Variants in ARID1B observed in about 807,000 individuals in gnomAD.
ARID1B encodes the protein AT-rich interactive domain-containing protein 1B.
A neutral mutation model predicts 212.3 loss-of-function variants in ARID1B; 30 were observed. The observed-to-expected ratio is 0.14, with a 90% CI of 0.11 to 0.19. The LOEUF is 0.19. Ranked by LOEUF, ARID1B falls within the 10% of genes least tolerant of loss-of-function variation. The pLI is 1.00. For missense variants in ARID1B, 2,891 were observed against 3,204.0 expected (o/e 0.90, Z 2.36); for synonymous variants, 1,402 against 1,301.7 (o/e 1.08, Z -1.66).
intron 3 of ARID1B, among the ~76,000 whole-genome samples, chr6:156,906,897 G>T (rs73576012): frequency 0.061 from 9,238 of 152,076 alleles, 914 homozygotes; most frequent in African/African-American, 0.2. Flanking sequence ...TATTGTAAAT[G>T]GTATCCTTTA....
At chr6:157,198,458 A>T (rs548304334) in intron 16 of ARID1B, 4 of 235,228 alleles carry the variant, frequency 1.7e-5, no homozygotes, top group Non-Finnish European at 3.3e-5. Flanking sequence ...GCACTGTACG[A>T]CACTTCCTAA....
At chr6:157,049,895 A>T (rs917537359) in intron 4 of ARID1B, among the ~76,000 whole-genome samples, 9 of 152,220 alleles carry the variant, frequency 5.9e-5, no homozygotes, top group Non-Finnish European at 8.8e-5. Flanking sequence ...TCATAAAAGG[A>T]TAAGTGTCTT....
chr6:156,982,189 A>G (rs1244423619), intron 4 of ARID1B, among the ~76,000 whole-genome samples: 1 of 152,150 alleles, frequency 6.6e-6, no homozygotes. Flanking sequence ...CCTTTACTAT[A>G]TACCCTCATA....
At chr6:156,871,473 G>C (rs764288550) in intron 2 of ARID1B, 3 of 695,294 alleles carry the variant, frequency 4.3e-6, no homozygotes, top group Non-Finnish European at 7.7e-6. Flanking sequence ...GAGAAGGCCT[G>C]ATACAGATGG....
At chr6:157,101,398 C>G (rs2128495356) in intron 5 of ARID1B, among the ~76,000 whole-genome samples, 1 of 152,274 alleles carries the variant, frequency 6.6e-6, no homozygotes, top group South Asian at 2.1e-4. Flanking sequence ...CAGTTTAATT[C>G]ACACGGACCT....
intron 2 of ARID1B, among the ~76,000 whole-genome samples, chr6:156,837,521 G>A (rs930638115): frequency 6.6e-5 from 10 of 152,066 alleles, no homozygotes; most frequent in African/African-American, 2.2e-4. Context: ...TTTTCTAAAG[G>A]TAAAAAGTTT....
chr6:157,115,187 A>T (rs1166945558), intron 6 of ARID1B, among the ~76,000 whole-genome samples: 10 of 152,146 alleles, frequency 6.6e-5, no homozygotes. Context: ...TCACAAATCC[A>T]TTTCCCCACA....
At chr6:157,140,679 G>A (rs188116621) in intron 7 of ARID1B, 6 of 398,646 alleles carry the variant, frequency 1.5e-5, no homozygotes, top group African/African-American at 6.2e-5. Flanking sequence ...ACCAGATGGC[G>A]AGACCCACCT....
In ARID1B at chr6:156,779,391, C is replaced by G; in HGVS notation, c.1711C>G (p.Pro571Ala). The stretch of plus-strand genomic sequence containing the variant: ...GGGCGCCCAGTACGCCGCTGCCAGC[C>G]CGGCCTGGGCGGCCGCGCAACAAAG... ...DMGAQYAAASPAWAAAQQRSH... is the reference protein window; with the variant it reads ...DMGAQYAAASAAWAAAQQRSH... The change falls in exon 1 of 20, where the codon CCG (proline) becomes GCG (alanine). Residue 571 changes from proline (P) to alanine (A), a missense_variant. By Grantham distance (27) the Pro-to-Ala change is conservative. Coordinates refer to ENST00000636930, the MANE Select transcript of ARID1B (RefSeq NM_001374828.1). 1 of 1,419,668 alleles carries G rather than the reference C, an allele frequency of 7.0e-7. No individual in the cohort carries two copies. The allele number at this position is 1,419,668 out of a possible 1,614,324, so 87.9% of individuals were successfully genotyped here.
chr6:157,066,326 G>C (rs1158600662), intron 4 of ARID1B, among the ~76,000 whole-genome samples: 1 of 152,148 alleles, frequency 6.6e-6, no homozygotes, highest in Non-Finnish European at 1.5e-5. Flanking sequence ...GGAAGAAAAG[G>C]TGTAGTTCAA....
At chr6:157,098,663 T>C (rs1330764952) in intron 5 of ARID1B, among the ~76,000 whole-genome samples, 1 of 152,230 alleles carries the variant, frequency 6.6e-6, no homozygotes, top group East Asian at 1.9e-4. Flanking sequence ...TGTCTTCACA[T>C]CTGAAGTTAA....
At chr6:156,782,694 A>C (rs1481997560) in intron 1 of ARID1B, among the ~76,000 whole-genome samples, 2 of 152,170 alleles carry the variant, frequency 1.3e-5, no homozygotes, top group Non-Finnish European at 2.9e-5. Context: ...ACTCCCAGTT[A>C]AATTTTAGGG....
intron 3 of ARID1B, among the ~76,000 whole-genome samples, chr6:156,911,347 T>G (rs1023666076): frequency 2.0e-5 from 3 of 151,530 alleles, no homozygotes; most frequent in Non-Finnish European, 4.4e-5. Flanking sequence ...AGTTTTTTTT[T>G]TTTTTTTTTT....
chr6:156,868,103 C>T (rs1785841659), intron 2 of ARID1B, among the ~76,000 whole-genome samples: 1 of 152,216 alleles, frequency 6.6e-6, no homozygotes, highest in African/African-American at 2.4e-5. Context: ...ATGCTTGCCT[C>T]AGTACCGAGC....
intron 3 of ARID1B, among the ~76,000 whole-genome samples, chr6:156,915,689 C>T (rs933064271): frequency 1.3e-5 from 2 of 149,408 alleles, no homozygotes; most frequent in South Asian, 2.1e-4. Flanking sequence ...TGAGGCCAGG[C>T]GTTCAAGACT....
intron 3 of ARID1B, among the ~76,000 whole-genome samples, chr6:156,907,903 CT>C (rs1171812681): frequency 0.013 from 1,567 of 124,046 alleles, 30 homozygotes; most frequent in South Asian, 0.053. Flanking sequence ...GCAAGACTGT[CT>C]CAAAAAAAAA....
At chr6:156,861,461 A>T (rs923870455) in intron 2 of ARID1B, among the ~76,000 whole-genome samples, 1 of 151,938 alleles carries the variant, frequency 6.6e-6, no homozygotes, top group Non-Finnish European at 1.5e-5. Context: ...ATACAAAAAA[A>T]TTAGCCAGGC....
chr6:157,084,793 T>C lies in ARID1B; in HGVS notation c.2379T>C (p.His793=), dbSNP rs370364530. 66 of 1,614,110 alleles carry C rather than the reference T, an allele frequency of 4.1e-5. No individual in the cohort carries two copies. The African/African-American group carries it at 6.3e-4, about 15-fold the overall frequency. The change falls in exon 5 of 20, where the codon CAT becomes CAC. Residue 793 remains histidine, a synonymous_variant. Coordinates refer to ENST00000636930, the MANE Select transcript of ARID1B (RefSeq NM_001374828.1). ...SNPAQSPFSP[H]ASPHLSSIPG... ...CGGCGCAGTCGCCTTTCTCCCCACA[T>C]GCGTCCCCTCATCTCTCCAGCATCC...
In ARID1B at chr6:156,779,367, G is replaced by A. The variant is rs2115003753; in HGVS notation, c.1687G>A (p.Gly563Ser). 1 of 1,343,290 alleles carries A rather than the reference G, an allele frequency of 7.4e-7. No individual in the cohort carries two copies. The highest frequency in any genetic ancestry group is 2.6e-4 in the Middle Eastern group (1 of 3,800). 83.2% of individuals were successfully genotyped at this position (1,343,290 alleles called of 1,614,324 possible). ...GGGCATGGGCTTGGGCAAGGACATG[G>A]GCGCCCAGTACGCCGCTGCCAGCCC... is the stretch of plus-strand genomic sequence containing the variant. The part of the protein sequence containing the change: ...AAGMGLGKDM[G>S]AQYAAASPAW... The change falls in exon 1 of 20, where the codon GGC becomes AGC. Residue 563 changes from glycine (G) to serine (S), a missense_variant. By Grantham distance (56) the Gly-to-Ser change is moderately conservative (BLOSUM62 0). Transcript: ENST00000636930.
Sources: gnomAD v4.1 joint callset for allele counts (sites outside exome capture counted in the v4.1 genomes callset) on GRCh38, gnomAD v4.1.1 for gene constraint, MANE v1.5 for transcripts, NCBI Gene and HGNC (gene_info 2026-07-23, HGNC 2026-07-21) for gene names.